The following CFAP91 variants were observed in gnomAD, a reference collection of about 807,000 sequenced individuals.
CFAP91 encodes the protein cilia and flagella associated protein 91.
CFAP91 carries 85 observed loss-of-function variants against 95.9 expected under a neutral mutation model. That is an observed-to-expected ratio of 0.89 (90% CI 0.74 to 1.06). CFAP91 has a LOEUF of 1.06. CFAP91 is among the 50% of genes least tolerant of loss of function. CFAP91 has a pLI of 0.00. For synonymous variants in CFAP91, 335 were observed against 327.5 expected (o/e 1.02, Z -0.25); for missense variants, 962 against 943.4 (o/e 1.02, Z -0.26).
chr3:119,762,708 A>T (rs1215624756), intron 17 of CFAP91, among the ~76,000 whole-genome samples: 1 of 152,104 alleles, frequency 6.6e-6, no homozygotes, highest in African/African-American at 2.4e-5. Flanking sequence ...TGCCAAGAAC[A>T]CACAATGGGA....
Position 119,707,044 on chromosome 3 carries a change from C to T in CFAP91, c.201+159C>T, listed in dbSNP as rs568947855. 5.7e-5 allele frequency: 35 copies of T among 613,062 alleles called. 1 individual carries two copies. The highest frequency in any genetic ancestry group is 5.0e-4 in the South Asian group (24 of 48,130). The allele number at this position is 613,062 out of a possible 1,614,324, so 38.0% of individuals were successfully genotyped here. A position where few individuals can be genotyped will look rare whatever the true frequency, so the allele number is the denominator to read the frequency against. On this transcript the variant is annotated intron_variant, in intron 2 of 17. Coordinates refer to ENST00000273390, the MANE Select transcript of CFAP91 (RefSeq NM_033364.4). ...TACTGGAGGGCAAAGCATCTTAATACGTGTGGCTCATTGTGAGGATTAAGT... is the reference window on the plus strand; with the variant it reads ...TACTGGAGGGCAAAGCATCTTAATATGTGTGGCTCATTGTGAGGATTAAGT...
At chr3:119,758,671 A>G (rs546016315) in intron 17 of CFAP91, among the ~76,000 whole-genome samples, 2 of 152,318 alleles carry the variant, frequency 1.3e-5, no homozygotes, top group Non-Finnish European at 2.9e-5. Context: ...AGCAATAAAT[A>G]TGGATATTTA....
intron 13 of CFAP91, among the ~76,000 whole-genome samples, chr3:119,743,100 A>C: frequency 6.6e-6 from 1 of 151,320 alleles, no homozygotes; most frequent in Non-Finnish European, 1.5e-5. Flanking sequence ...ATTTTGCCTC[A>C]GTGATTAGAT....
At position 119,766,644 on chromosome 3, in the gene CFAP91, T is replaced by C. The variant is rs1442974110; in HGVS notation, c.*1594T>C. The C allele has an allele frequency of 6.6e-6, 1 of 152,040 alleles. No homozygotes were observed. Among genetic ancestry groups the C allele is most frequent in the Non-Finnish European group, 1.5e-5 (1 of 68,002 alleles). The allele number at this position is 152,040 out of a possible 1,614,324, so 9.4% of individuals were successfully genotyped here. A position where few individuals can be genotyped will look rare whatever the true frequency, so the allele number is the denominator to read the frequency against. On this transcript the variant is annotated 3_prime_UTR_variant, in exon 18 of 18. Coordinates refer to ENST00000273390, the MANE Select transcript of CFAP91 (RefSeq NM_033364.4). ...CTGAAGGGCCAGATGGTAACTACAT[T>C]AGGGTTTGCGGGTCTGATGGTCGCC... is the stretch of plus-strand genomic sequence containing the variant.
chr3:119,758,803 A>G (rs180768831), intron 17 of CFAP91, among the ~76,000 whole-genome samples: 3 of 152,248 alleles, frequency 2.0e-5, no homozygotes, highest in Non-Finnish European at 4.4e-5. Flanking sequence ...TTCAAAGATG[A>G]AATGAGAAAG....
At chr3:119,721,992 A>G (rs1055217371) in intron 6 of CFAP91, among the ~76,000 whole-genome samples, 2 of 152,070 alleles carry the variant, frequency 1.3e-5, no homozygotes, top group African/African-American at 4.8e-5. Context: ...CTTGGACAAC[A>G]TAGTAAGACC....
chr3:119,763,193 C>T (rs946105576), intron 17 of CFAP91, among the ~76,000 whole-genome samples: 2 of 151,794 alleles, frequency 1.3e-5, no homozygotes, highest in Non-Finnish European at 2.9e-5. Flanking sequence ...AAGACACATA[C>T]AAATGGCCAA....
chr3:119,706,133 A>G (rs1192782120), intron 1 of CFAP91: 2 of 152,220 alleles, frequency 1.3e-5, no homozygotes, highest in Non-Finnish European at 2.9e-5. Context: ...TTAATGGCAA[A>G]TCAGTTGATT....
At chr3:119,751,603 G>A (rs1200396995) in intron 17 of CFAP91, among the ~76,000 whole-genome samples, 1 of 152,198 alleles carries the variant, frequency 6.6e-6, no homozygotes, top group African/African-American at 2.4e-5. Flanking sequence ...TGGCATGAAT[G>A]TACTTAGAAA....
chr3:119,743,811 A>G (rs1338737661), intron 13 of CFAP91, among the ~76,000 whole-genome samples, 164 bp from the exon 14 acceptor site: 1 of 152,246 alleles, frequency 6.6e-6, no homozygotes, highest in Non-Finnish European at 1.5e-5. Flanking sequence ...TTTCCTCATA[A>G]GAACTTGGGT....
intron 17 of CFAP91, among the ~76,000 whole-genome samples, chr3:119,760,695 A>G (rs1358715098): frequency 6.6e-6 from 1 of 151,830 alleles, no homozygotes; most frequent in Non-Finnish European, 1.5e-5. Context: ...CCACTGTGGT[A>G]TATAAAATAG....
rs772172711 is a variant in CFAP91 at position 119,708,579 on chromosome 3, G to C, written c.360-12G>C. 3 of 1,554,884 alleles carry C rather than the reference G, an allele frequency of 1.9e-6. No individual in the cohort carries two copies. Among genetic ancestry groups the C allele is most frequent in the Non-Finnish European group, 2.6e-6 (3 of 1,135,530 alleles). The stretch of plus-strand genomic sequence containing the variant: ...TTTTAGACTTGAATAATGTTTTCTT[G>C]CTTCATTTTAGAACTGACGCTTCTT... On this transcript the variant is annotated splice_polypyrimidine_tract_variant and intron_variant, in intron 3 of 17. Transcript: ENST00000273390.
intron 17 of CFAP91, among the ~76,000 whole-genome samples, chr3:119,752,602 G>T (rs1302992582): frequency 2.6e-5 from 4 of 152,118 alleles, no homozygotes; most frequent in African/African-American, 9.7e-5. Context: ...AAGCCTTAAG[G>T]TTGGGGTAGT....
At chr3:119,720,350 TG>T (rs2053659411) in intron 6 of CFAP91, among the ~76,000 whole-genome samples, 1 of 149,596 alleles carries the variant, frequency 6.7e-6, no homozygotes, top group African/African-American at 2.5e-5. Context: ...TGAGCCGAGA[TG>T]ATGCCACTGC....
intron 11 of CFAP91, among the ~76,000 whole-genome samples, chr3:119,738,776 G>A (rs574003335): frequency 5.5e-4 from 83 of 152,252 alleles, no homozygotes; most frequent in African/African-American, 1.8e-3. Context: ...GAGTTTTTAA[G>A]ATGATTTTTA....
chr3:119,720,286 A>G (rs1327834319), intron 6 of CFAP91, among the ~76,000 whole-genome samples: 2 of 149,348 alleles, frequency 1.3e-5, no homozygotes, highest in Non-Finnish European at 3.0e-5. Flanking sequence ...AGTCCCAGCT[A>G]CTCGGGAGGC....
At chr3:119,746,957 T>C (rs1371562628) in intron 14 of CFAP91, among the ~76,000 whole-genome samples, 158 bp from the exon 15 acceptor site, 1 of 152,160 alleles carries the variant, frequency 6.6e-6, no homozygotes, top group Admixed American at 6.5e-5. Flanking sequence ...AGAAACAGAC[T>C]GATGAGATGC....
At chr3:119,752,955 C>T (rs2054352764) in intron 17 of CFAP91, among the ~76,000 whole-genome samples, 1 of 152,144 alleles carries the variant, frequency 6.6e-6, no homozygotes, top group South Asian at 2.1e-4. Context: ...CCTCTTCCTT[C>T]TTGCAGAGGG....
chr3:119,721,146 T>C (rs74921882), intron 6 of CFAP91, among the ~76,000 whole-genome samples: 2,366 of 152,298 alleles, frequency 0.016, 57 homozygotes, highest in African/African-American at 0.054. Context: ...AAGAGTGACT[T>C]ATAACCAGAT....
Sources: gnomAD v4.1 joint callset for allele counts (sites outside exome capture counted in the v4.1 genomes callset) on GRCh38, gnomAD v4.1.1 for gene constraint, MANE v1.5 for transcripts, NCBI Gene and HGNC (gene_info 2026-07-23, HGNC 2026-07-21) for gene names.